The following AFAP1L1 variants were observed in gnomAD, a reference collection of about 807,000 sequenced individuals.
AFAP1L1 encodes the protein actin filament-associated protein 1-like 1.
A neutral mutation model predicts 99.8 loss-of-function variants in AFAP1L1; 77 were observed. That is an observed-to-expected ratio of 0.77 (90% CI 0.64 to 0.93). The LOEUF (loss-of-function observed/expected upper bound fraction) is 0.93, where lower values mean the gene tolerates loss of function less well. Ranked by LOEUF, AFAP1L1 falls within the 40% of genes least tolerant of loss-of-function variation. The probability of loss-of-function intolerance (pLI) is 0.00; values close to 1 mark genes in which losing one functional copy is unlikely to be tolerated. For missense variants in AFAP1L1, 893 were observed against 996.8 expected, an observed-to-expected ratio of 0.90 and a Z score of 1.40; for synonymous variants, 373 against 395.3, an observed-to-expected ratio of 0.94 and a Z score of 0.67.
intron 7 of AFAP1L1, among the ~76,000 whole-genome samples, chr5:149,307,818 T>TC (rs1756473058): frequency 6.0e-5 from 6 of 100,504 alleles, no homozygotes; most frequent in Admixed American, 2.5e-4. Context: ...GTGCCTCTCT[T>TC]TCTCTCTCTC....
intron 1 of AFAP1L1, among the ~76,000 whole-genome samples, chr5:149,287,187 TAAAG>T (rs1755709908): frequency 6.6e-6 from 1 of 152,196 alleles, no homozygotes; most frequent in Admixed American, 6.5e-5. Context: ...AGCATAATAT[TAAAG>T]AAAAAGTCAC....
chr5:149,334,263 T>C (rs1757340525), intron 17 of AFAP1L1, among the ~76,000 whole-genome samples: 1 of 152,184 alleles, frequency 6.6e-6, no homozygotes, highest in Admixed American at 6.5e-5. Context: ...CCATGGGGTG[T>C]TTCCAACCTC....
chr5:149,296,243 A>G (rs907177228), intron 1 of AFAP1L1, among the ~76,000 whole-genome samples: 1 of 152,232 alleles, frequency 6.6e-6, no homozygotes, highest in Non-Finnish European at 1.5e-5. Flanking sequence ...CATGTTGCCC[A>G]GTCTGATCTC....
intron 7 of AFAP1L1, 126 bp from the exon 8 acceptor site, chr5:149,309,830 A>G (rs34110934): frequency 0.057 from 67,923 of 1,186,692 alleles, 2,260 homozygotes; most frequent in Non-Finnish European, 0.065. Flanking sequence ...CACAGTGCCC[A>G]TGGCTAGGCT....
At position 149,303,569 on chromosome 5, in the gene AFAP1L1, T is replaced by A. The variant is rs562835404; in HGVS notation, c.436+1043T>A. Among the ~76,000 whole-genome samples the A allele has an allele frequency of 5.3e-5, 8 of 152,352 alleles. 1 individual carries two copies. Among genetic ancestry groups the A allele is most frequent in the African/African-American group, 1.9e-4 (8 of 41,580 alleles). On this transcript the variant is annotated intron_variant, in intron 5 of 18. Coordinates refer to ENST00000296721, the MANE Select transcript of AFAP1L1 (RefSeq NM_152406.4). ...CCAACCACCAAAAAATAATCAAATT[T>A]CTAAAATGAATTCTGATCAGCAAAG...
Position 149,329,765 on chromosome 5 carries a change from G to A in AFAP1L1, c.1910G>A (p.Arg637Gln), listed in dbSNP as rs144633252. ...EKLEKEKETI[R>Q]TELIALRQEK... ...CTGGAGAAAGAGAAAGAGACGATTC[G>A]GACAGAGCTGATAGCACTGAGACAG... Residue 637 changes from arginine (R) to glutamine (Q), a missense_variant, in exon 16 of 19, where the codon CGG becomes CAG. Arg to Gln is a conservative substitution (Grantham distance 43, BLOSUM62 1). Coordinates refer to ENST00000296721, the MANE Select transcript of AFAP1L1 (RefSeq NM_152406.4). 38 of 1,613,714 alleles carry A rather than the reference G, an allele frequency of 2.4e-5. No homozygotes were observed. The highest frequency in any genetic ancestry group is 5.0e-5 in the Admixed American group (3 of 59,936).
intron 1 of AFAP1L1, among the ~76,000 whole-genome samples, chr5:149,273,937 C>T (rs769505467): frequency 2.0e-5 from 3 of 152,064 alleles, no homozygotes; most frequent in Non-Finnish European, 4.4e-5. Flanking sequence ...GACAATAGTT[C>T]ACTTCACTTT....
In AFAP1L1 at chr5:149,271,904, C is replaced by T. The variant is rs1182073332; in HGVS notation, c.-65C>T. 19 of 1,182,198 alleles carry T rather than the reference C, an allele frequency of 1.6e-5. No homozygotes were observed. Among genetic ancestry groups the T allele is most frequent in the African/African-American group, 1.6e-5 (1 of 62,710 alleles). 73.2% of individuals were successfully genotyped at this position (1,182,198 alleles called of 1,614,324 possible). A position where few individuals can be genotyped will look rare whatever the true frequency, so the allele number is the denominator to read the frequency against. Reference sequence around the variant, plus strand: ...CTGGCCTGAGAGCGCAGCGCGCCGGCCGCTACCAGCCGCGCCGGAGCCCCT... The same window carrying T: ...CTGGCCTGAGAGCGCAGCGCGCCGGTCGCTACCAGCCGCGCCGGAGCCCCT... On this transcript the variant is annotated 5_prime_UTR_variant, in exon 1 of 19. Coordinates refer to ENST00000296721, the MANE Select transcript of AFAP1L1 (RefSeq NM_152406.4).
chr5:149,304,415 C>G (rs1315755342), intron 5 of AFAP1L1: 2 of 152,254 alleles, frequency 1.3e-5, no homozygotes, highest in East Asian at 3.8e-4. Flanking sequence ...ATTTTATACA[C>G]TCAAGGACAG....
chr5:149,340,121 C>G lies in AFAP1L1; in HGVS notation c.*91C>G. On this transcript the variant is annotated 3_prime_UTR_variant, in exon 19 of 19. Transcript: ENST00000296721. ...TTCACAAGGAGACACCAAGAGAAGA[C>G]TAGGAAGTAGCCCTCGTTCTCCAGG... 6.6e-7 allele frequency: 1 copy of G among 1,508,774 alleles called. No homozygotes were observed. The highest frequency in any genetic ancestry group is 2.3e-5 in the East Asian group (1 of 43,316). The allele number at this position is 1,508,774 out of a possible 1,614,324, so 93.5% of individuals were successfully genotyped here.
intron 1 of AFAP1L1, among the ~76,000 whole-genome samples, chr5:149,294,161 G>T (rs1394203694): frequency 4.6e-5 from 7 of 152,082 alleles, no homozygotes; most frequent in Non-Finnish European, 1.0e-4. Context: ...ACCTTGGACT[G>T]CCCCCATCAG....
intron 1 of AFAP1L1, chr5:149,276,639 C>G (rs1252077195): frequency 1.3e-5 from 2 of 151,562 alleles, no homozygotes; most frequent in East Asian, 3.9e-4. Context: ...GGGATCCACT[C>G]AATAAATGCT....
intron 1 of AFAP1L1, among the ~76,000 whole-genome samples, chr5:149,283,413 G>A (rs1755580236): frequency 6.6e-6 from 1 of 151,984 alleles, no homozygotes; most frequent in Non-Finnish European, 1.5e-5. Flanking sequence ...AAGTTTTGGA[G>A]AATTTTTTTT....
rs1757609789 is a variant in AFAP1L1 at position 149,343,301 on chromosome 5, G to A, written c.*3271G>A. ...AACCCATGTTATGACAAGATTCAGAGTGCTCAAGGAACACTTCCCATTCCC... is the reference window on the plus strand; with the variant it reads ...AACCCATGTTATGACAAGATTCAGAATGCTCAAGGAACACTTCCCATTCCC... On this transcript the variant is annotated 3_prime_UTR_variant, in exon 19 of 19. Coordinates refer to ENST00000296721, the MANE Select transcript of AFAP1L1 (RefSeq NM_152406.4). Among the ~76,000 whole-genome samples, 2 of 151,858 alleles carry A rather than the reference G, an allele frequency of 1.3e-5. No individual in the cohort carries two copies. Among genetic ancestry groups the A allele is most frequent in the Non-Finnish European group, 1.5e-5 (1 of 67,992 alleles).
intron 15 of AFAP1L1, among the ~76,000 whole-genome samples, chr5:149,328,330 A>G (rs1004408152): frequency 3.3e-5 from 5 of 152,230 alleles, no homozygotes; most frequent in Non-Finnish European, 5.9e-5. Context: ...CAAAAAAAAA[A>G]GTAAAACTTT....
At chr5:149,299,725 C>G (rs1581309082) in intron 2 of AFAP1L1, 88 bp downstream of exon 2, 1 of 1,572,390 alleles carries the variant, frequency 6.4e-7, no homozygotes, top group East Asian at 2.3e-5. Context: ...TGCAGGAACC[C>G]TCCGCCCCAC....
Position 149,320,892 on chromosome 5 carries a change from C to A in AFAP1L1, c.1698+429C>A, listed in dbSNP as rs1166951700. 6.6e-6 allele frequency among the ~76,000 whole-genome samples: 1 copy of A among 152,226 alleles called. No homozygotes were observed. Among genetic ancestry groups the A allele is most frequent in the African/African-American group, 2.4e-5 (1 of 41,466 alleles). On this transcript the variant is annotated intron_variant, in intron 14 of 18. Coordinates refer to ENST00000296721, the MANE Select transcript of AFAP1L1 (RefSeq NM_152406.4). The surrounding 1 kb of genome is among the most constrained non-coding windows in gnomAD (Gnocchi z 4.0). The stretch of plus-strand genomic sequence containing the variant: ...TGGGAGCTTCAGCTCCCAGGCCAGT[C>A]TCCATGTTTTGCTTGCTAAGCCAGG...
At chr5:149,338,276 A>C (rs1259820383) in intron 18 of AFAP1L1, among the ~76,000 whole-genome samples, 1 of 152,064 alleles carries the variant, frequency 6.6e-6, no homozygotes, top group Non-Finnish European at 1.5e-5. Context: ...CCTGGGCAAC[A>C]TGGCGAAACC....
chr5:149,328,577 G>A (rs1757158428), intron 15 of AFAP1L1, among the ~76,000 whole-genome samples: 1 of 152,200 alleles, frequency 6.6e-6, no homozygotes, highest in African/African-American at 2.4e-5. Context: ...GGGAGGCTGA[G>A]GCAGGCTGAT....
Sources: gnomAD v4.1 joint callset for allele counts (sites outside exome capture counted in the v4.1 genomes callset) on GRCh38, gnomAD v4.1.1 for gene constraint, Gnocchi (gnomAD v3.1) non-coding constraint, MANE v1.5 for transcripts, NCBI Gene and HGNC (gene_info 2026-07-23, HGNC 2026-07-21) for gene names.